MBOAT7: variants seen among roughly 807,000 people sequenced by gnomAD.
MBOAT7 encodes the protein membrane bound acylglycerophosphatidylinositol O-acyltransferase MBOAT7, also known as membrane-bound acylglycerophosphatidylinositol O-acyltransferase MBOAT7.
MBOAT7 carries 40 observed loss-of-function variants against 47.4 expected under a neutral mutation model. That is an observed-to-expected ratio of 0.84 (90% CI 0.66 to 1.10). The LOEUF is 1.10. MBOAT7 is among the 50% of genes least tolerant of loss of function. The pLI is 0.00. For missense variants in MBOAT7, 680 were observed against 655.6 expected (o/e 1.04, Z -0.41); for synonymous variants, 361 against 292.0 (o/e 1.24, Z -2.41).
Position 54,181,045 on chromosome 19 carries a change from G to A in MBOAT7, c.582C>T (p.Arg194=), listed in dbSNP as rs1267494778. The A allele has an allele frequency of 1.7e-5, 26 of 1,547,304 alleles. No individual in the cohort carries two copies. The highest frequency in any genetic ancestry group is 2.0e-5 in the Admixed American group (1 of 50,776). ...GGCCGAAGAGCGGGGCCGGCCAGGC[G>A]CGGCGCAGCAGGGGCCGCAGGCTGG... ...AVPSLRPLLR[R]AWPAPLFGLL... Residue 194 remains arginine, a synonymous_variant, in exon 6 of 8, where the codon CGC becomes CGT. Coordinates refer to ENST00000245615, the MANE Select transcript of MBOAT7 (RefSeq NM_024298.5).
In MBOAT7 at chr19:54,183,582, G is replaced by A. The variant is rs773882539; in HGVS notation, c.432C>T (p.Pro144=). ...GTGTCTCCATCAGGGAGGGCACGTC[G>A]GGCAGCAGCCCCAGGGTGGGCCCCT... is the stretch of plus-strand genomic sequence containing the variant. ...FSKGPTLGLL[P]DVPSLMETLS... The change falls in exon 5 of 8, where the codon CCC becomes CCT. Residue 144 remains proline (P), a synonymous_variant. Transcript: ENST00000245615. 126 of 1,608,040 alleles carry A rather than the reference G, an allele frequency of 7.8e-5. No homozygotes were observed. The highest frequency in any genetic ancestry group is 9.5e-5 in the Non-Finnish European group (112 of 1,177,634).
intron 7 of MBOAT7, among the ~76,000 whole-genome samples, chr19:54,175,017 C>T (rs1243591537): frequency 2.0e-5 from 3 of 150,896 alleles, no homozygotes; most frequent in Admixed American, 6.6e-5. Flanking sequence ...GCTCTGTCGC[C>T]CAGGCTAGAG....
Position 54,175,122 on chromosome 19 carries a change from C to T in MBOAT7, c.1032-691G>A, listed in dbSNP as rs557099512. Among the ~76,000 whole-genome samples the T allele has an allele frequency of 3.2e-4, 49 of 151,922 alleles. 1 individual carries two copies. The highest frequency in any genetic ancestry group is 6.8e-3 in the Middle Eastern group (2 of 294). ...TCCCGAGTAGCTGGGACTACAGGCGCCTGCCACCACGCCCGGCTAATTTTC... is the reference window on the plus strand; with the variant it reads ...TCCCGAGTAGCTGGGACTACAGGCGTCTGCCACCACGCCCGGCTAATTTTC... On this transcript the variant is annotated intron_variant, in intron 7 of 7. Coordinates refer to ENST00000245615, the MANE Select transcript of MBOAT7 (RefSeq NM_024298.5).
intron 4 of MBOAT7, among the ~76,000 whole-genome samples, chr19:54,184,952 A>G (rs1043313516): frequency 3.3e-5 from 5 of 150,110 alleles, no homozygotes; most frequent in African/African-American, 1.2e-4. Context: ...GCTCACACCT[A>G]TAACACTAGC....
intron 7 of MBOAT7, among the ~76,000 whole-genome samples, chr19:54,175,714 T>G (rs746727922): frequency 3.5e-4 from 53 of 151,982 alleles, no homozygotes; most frequent in Non-Finnish European, 5.6e-4. Flanking sequence ...CAAACTCAGC[T>G]AATTTCTGTA....
chr19:54,178,449 C>A, intron 7 of MBOAT7: 1 of 1,307,770 alleles, frequency 7.6e-7, no homozygotes, highest in Non-Finnish European at 9.7e-7. Context: ...TCAACTAACT[C>A]CTCAAGGTTT....
intron 1 of MBOAT7, 63 bp from the exon 2 acceptor site, chr19:54,188,574 C>A: frequency 1.3e-6 from 2 of 1,482,756 alleles, no homozygotes; most frequent in Non-Finnish European, 1.8e-6. Context: ...CCTCCTCCCT[C>A]TTCGAGGATC....
At chr19:54,175,180 G>T (rs62132542) in intron 7 of MBOAT7, among the ~76,000 whole-genome samples, 95 of 152,142 alleles carry the variant, frequency 6.2e-4, no homozygotes, top group Non-Finnish European at 8.7e-4. Context: ...GGGTTTCACC[G>T]TGTTAGCCAG....
Position 54,183,584 on chromosome 19 carries a change from G to A in MBOAT7, c.430C>T (p.Pro144Ser), listed in dbSNP as rs764813480. 3.1e-6 allele frequency: 5 copies of A among 1,608,586 alleles called. No homozygotes were observed. The highest frequency in any genetic ancestry group is 4.2e-6 in the Non-Finnish European group (5 of 1,177,688). The change falls in exon 5 of 8, where the codon CCC becomes TCC. Residue 144 changes from proline (P) to serine (S), a missense_variant. By Grantham distance (74) the Pro-to-Ser change is moderately conservative. Coordinates refer to ENST00000245615, the MANE Select transcript of MBOAT7 (RefSeq NM_024298.5). ...GTCTCCATCAGGGAGGGCACGTCGG[G>A]CAGCAGCCCCAGGGTGGGCCCCTTG... ...FSKGPTLGLL[P>S]DVPSLMETLS...
intron 4 of MBOAT7, 30 bp from the exon 5 acceptor site, chr19:54,183,710 G>C: frequency 1.3e-6 from 2 of 1,514,382 alleles, no homozygotes; most frequent in Non-Finnish European, 1.8e-6. Context: ...CAAGGGGCCA[G>C]GTCAGACTCT....
In MBOAT7 at chr19:54,180,936, G is replaced by A. The variant is rs774228066; in HGVS notation, c.691C>T (p.Leu231Phe). 1.3e-6 allele frequency: 2 copies of A among 1,591,386 alleles called. No individual in the cohort carries two copies. Among genetic ancestry groups the A allele is most frequent in the Middle Eastern group, 1.7e-4 (1 of 6,000 alleles). The change falls in exon 6 of 8, where the codon CTC (leucine) becomes TTC (phenylalanine). Residue 231 changes from leucine (L) to phenylalanine (F), a missense_variant. Physicochemically the swap from Leu to Phe is conservative, Grantham distance 22. Coordinates refer to ENST00000245615, the MANE Select transcript of MBOAT7 (RefSeq NM_024298.5). The surrounding 1 kb of genome is among the most constrained non-coding windows in gnomAD (Gnocchi z 5.2). The stretch of plus-strand genomic sequence containing the variant: ...AAGAAGACGGGGATCATGTAGAAGA[G>A]GCGGGCGGGCAGCGGGCGGGCGTAG... ...AFYARPLPAR[L>F]FYMIPVFFAF...
At chr19:54,175,391 G>A (rs1431557801) in intron 7 of MBOAT7, among the ~76,000 whole-genome samples, 4 of 152,074 alleles carry the variant, frequency 2.6e-5, no homozygotes, top group Non-Finnish European at 5.9e-5. Flanking sequence ...CCTGGGGGTG[G>A]GGCCCAGGAG....
Position 54,180,540 on chromosome 19 carries a change from T to A in MBOAT7, c.854+233A>T, listed in dbSNP as rs1737212903. On this transcript the variant is annotated intron_variant, in intron 6 of 7. Coordinates refer to ENST00000245615, the MANE Select transcript of MBOAT7 (RefSeq NM_024298.5). The surrounding 1 kb of genome is among the most constrained non-coding windows in gnomAD (Gnocchi z 5.2). ...CCTTTTCCTAGCGACAGGGGGCAGT[T>A]CACCACACTGCGGGGTGACAAGCGC... The A allele has an allele frequency of 1.9e-6, 1 of 524,052 alleles. No individual in the cohort carries two copies. Among genetic ancestry groups the A allele is most frequent in the African/African-American group, 2.0e-5 (1 of 49,848 alleles). The allele number at this position is 524,052 out of a possible 1,614,324, so 32.5% of individuals were successfully genotyped here. A position where few individuals can be genotyped will look rare whatever the true frequency, so the allele number is the denominator to read the frequency against.
At chr19:54,183,001 C>T (rs1162853256) in intron 5 of MBOAT7, among the ~76,000 whole-genome samples, 3 of 151,960 alleles carry the variant, frequency 2.0e-5, no homozygotes, top group Admixed American at 2.0e-4. Context: ...GCGCCCGGCC[C>T]TTTAATTTTA....
chr19:54,178,920 C>G lies in MBOAT7; in HGVS notation c.876G>C (p.Leu292Phe), dbSNP rs766171529. 3.7e-6 allele frequency: 6 copies of G among 1,613,136 alleles called. No individual in the cohort carries two copies. The Admixed American group carries it at 8.3e-5, about 22-fold the overall frequency. ...PPSSPEKAASLEYDYETIRNI... is the reference protein window; with the variant it reads ...PPSSPEKAASFEYDYETIRNI... ...TGCGGATGGTCTCATAGTCATACTC[C>G]AAGGAAGCCGCCTTCTCCGGACTGG... The change falls in exon 7 of 8, where the codon TTG becomes TTC. Residue 292 changes from leucine (L) to phenylalanine (F), a missense_variant. Coordinates refer to ENST00000245615, the MANE Select transcript of MBOAT7 (RefSeq NM_024298.5).
Position 54,174,236 on chromosome 19 carries a change from G to A in MBOAT7, c.1227C>T (p.Tyr409=). The change falls in exon 8 of 8, where the codon TAC becomes TAT. Residue 409 remains tyrosine, a synonymous_variant. Transcript: ENST00000245615. ...AGAGCAGCACGAAGCCCATGCACAT[G>A]TAGTCATAGGCGCGCATCTTCAGGA... ...HWFLKMRAYD[Y]MCMGFVLLSL... 6.2e-7 allele frequency: 1 copy of A among 1,606,262 alleles called. No individual in the cohort carries two copies. Among genetic ancestry groups the A allele is most frequent in the Non-Finnish European group, 8.5e-7 (1 of 1,175,456 alleles).
chr19:54,173,868 C>T lies in MBOAT7; in HGVS notation c.*176G>A. On this transcript the variant is annotated 3_prime_UTR_variant, in exon 8 of 8. Coordinates refer to ENST00000245615, the MANE Select transcript of MBOAT7 (RefSeq NM_024298.5). ...TGTAGGAGTGGAGGTGGCCTCTGGG[C>T]AGAGGGCAGGGAGGACACCCCCGGG... is the stretch of plus-strand genomic sequence containing the variant. 4 of 698,634 alleles carry T rather than the reference C, an allele frequency of 5.7e-6. No homozygotes were observed. The East Asian group carries it at 1.3e-4, about 22-fold the overall frequency. 43.3% of individuals were successfully genotyped at this position (698,634 alleles called of 1,614,324 possible).
At chr19:54,181,705 AGGAAGAAGGGAGGGAAGGAG>A (rs2076278801) in intron 5 of MBOAT7, among the ~76,000 whole-genome samples, 2 of 62,582 alleles carry the variant, frequency 3.2e-5, no homozygotes, top group African/African-American at 7.4e-5. Context: ...GAAGGAGGGA[AGGAAGAAGGGAGGGAAGGAG>A]GGAAGGAAGG....
chr19:54,188,560 C>G (rs1334837707), intron 1 of MBOAT7, 49 bp from the exon 2 acceptor site: 1 of 1,516,868 alleles, frequency 6.6e-7, no homozygotes, highest in Admixed American at 2.1e-5. Context: ...ATCCAGGCCC[C>G]CTGCCTCCTC....
Sources: gnomAD v4.1 joint callset for allele counts (sites outside exome capture counted in the v4.1 genomes callset) on GRCh38, gnomAD v4.1.1 for gene constraint, Gnocchi (gnomAD v3.1) non-coding constraint, MANE v1.5 for transcripts, NCBI Gene and HGNC (gene_info 2026-07-23, HGNC 2026-07-21) for gene names.